CARS2: variants seen among roughly 807,000 people sequenced by gnomAD.
CARS2 encodes the protein cysteinyl-tRNA synthetase 2, mitochondrial.
In CARS2, 52 loss-of-function variants were observed where a neutral mutation model predicts 68.8. The observed-to-expected ratio is 0.76, with a 90% confidence interval of 0.61 to 0.95. The LOEUF (loss-of-function observed/expected upper bound fraction) is 0.95, where lower values mean the gene tolerates loss of function less well. Among genes scored for constraint, CARS2 ranks in the 40% least tolerant of loss-of-function variants. CARS2 has a pLI of 0.00. For missense variants in CARS2, 780 were observed against 754.2 expected, an observed-to-expected ratio of 1.03 and a Z score of -0.40; for synonymous variants, 314 against 303.6, an observed-to-expected ratio of 1.03 and a Z score of -0.36.
chr13:110,652,484 A>C (rs1281229221), intron 9 of CARS2, among the ~76,000 whole-genome samples: 1 of 151,908 alleles, frequency 6.6e-6, no homozygotes, highest in Admixed American at 6.5e-5. Context: ...TCCCTGCTTC[A>C]GGCTTCAGCG....
At chr13:110,701,908 T>C (rs1034261579) in intron 2 of CARS2, among the ~76,000 whole-genome samples, 6 of 152,236 alleles carry the variant, frequency 3.9e-5, no homozygotes, top group Non-Finnish European at 7.3e-5. Context: ...CTTGTTCATG[T>C]TCTAGAGTAA....
chr13:110,653,608 A>G lies in CARS2; in HGVS notation c.988-2508T>C, dbSNP rs140404013. On this transcript the variant is annotated intron_variant, in intron 9 of 14. Coordinates refer to ENST00000257347, the MANE Select transcript of CARS2 (RefSeq NM_024537.4). This position sits in a 1 kb window ranked among gnomAD's most constrained non-coding sequence, Gnocchi z 5.6. ...GTAAACGCATGCAGAATTAGCCTCA[A>G]TGTGTTTTCACGCATCTCATAGTTC... is the stretch of plus-strand genomic sequence containing the variant. Among the ~76,000 whole-genome samples, 1,278 of 152,274 alleles carry G rather than the reference A, an allele frequency of 8.4e-3. 14 individuals are homozygous for G. The highest frequency in any genetic ancestry group is 0.029 in the African/African-American group (1,212 of 41,550).
At position 110,712,657 on chromosome 13, in the gene CARS2, G is replaced by A. The variant is rs549080645; in HGVS notation, n.399+480C>T. On this transcript the variant is annotated intron_variant and non_coding_transcript_variant, in intron 1 of 2. Coordinates refer to the CARS2 transcript ENST00000485188. ...GGGGCGACGCGGGGGAGGGCGGTCC[G>A]GGGAGCTGAATGGCCTCAGGACGCC... The A allele has an allele frequency of 6.8e-4, 415 of 611,630 alleles. 4 individuals are homozygous for A. In the East Asian group the frequency reaches 0.013, roughly 19 times the overall value. The allele number at this position is 611,630 out of a possible 1,614,324, so 37.9% of individuals were successfully genotyped here.
intron 10 of CARS2, among the ~76,000 whole-genome samples, chr13:110,649,495 A>C (rs1258953531): frequency 6.6e-6 from 1 of 152,200 alleles, no homozygotes; most frequent in Non-Finnish European, 1.5e-5. Flanking sequence ...GGGCTCACCC[A>C]AACCCACCAA....
intron 3 of CARS2, among the ~76,000 whole-genome samples, chr13:110,691,118 C>T (rs926977430): frequency 6.6e-6 from 1 of 152,184 alleles, no homozygotes; most frequent in African/African-American, 2.4e-5. Flanking sequence ...CGGGCTCAAG[C>T]GATGCTCCTG....
At chr13:110,679,577 A>AAGAAAGAAAGAAAGAGAGAGAG (rs2063082542) in intron 6 of CARS2, among the ~76,000 whole-genome samples, 3 of 66,382 alleles carry the variant, frequency 4.5e-5, no homozygotes, top group African/African-American at 1.4e-4. Flanking sequence ...AAGAGAGAGA[A>AAGAAAGAAAGAAAGAGAGAGAG]AGAAAGAAAG....
intron 7 of CARS2, among the ~76,000 whole-genome samples, chr13:110,669,335 G>C (rs1415663929): frequency 6.6e-6 from 1 of 151,998 alleles, no homozygotes; most frequent in Non-Finnish European, 1.5e-5. Context: ...CCTCGTGTGG[G>C]AGATAATTAT....
At chr13:110,710,252 G>A (rs570225830), upstream of CARS2, among the ~76,000 whole-genome samples, 16 of 152,136 alleles carry the variant, frequency 1.1e-4, no homozygotes, top group African/African-American at 2.2e-4. Context: ...CATGGCGTCC[G>A]GCACCCGTAA....
intron 9 of CARS2, among the ~76,000 whole-genome samples, chr13:110,654,718 G>A (rs2062315705): frequency 6.6e-6 from 1 of 151,808 alleles, no homozygotes; most frequent in Non-Finnish European, 1.5e-5. Flanking sequence ...AGGAGTTTGA[G>A]ACCAGCCTGG....
intron 3 of CARS2, among the ~76,000 whole-genome samples, chr13:110,696,213 C>G (rs2063618822): frequency 6.6e-6 from 1 of 152,150 alleles, no homozygotes; most frequent in African/African-American, 2.4e-5. Flanking sequence ...CTATTGTGGA[C>G]AGTGCTGCAA....
At chr13:110,678,209 A>C in intron 6 of CARS2, 1 of 152,238 alleles carries the variant, frequency 6.6e-6, no homozygotes, top group Non-Finnish European at 1.5e-5. Flanking sequence ...TCTGCTTATC[A>C]GTAACTGAGT....
chr13:110,702,904 T>G (rs1213017658), intron 2 of CARS2, among the ~76,000 whole-genome samples: 1 of 152,164 alleles, frequency 6.6e-6, no homozygotes, highest in Admixed American at 6.5e-5. Flanking sequence ...CTCCATCCAC[T>G]GGGTGAGTGT....
chr13:110,682,838 G>A (rs1010967678), intron 6 of CARS2, among the ~76,000 whole-genome samples: 16 of 152,302 alleles, frequency 1.1e-4, no homozygotes, highest in East Asian at 3.9e-4. Context: ...CGCTGGGGGC[G>A]GGGGTGGACG....
At chr13:110,666,964 GA>G (rs1476373574) in intron 8 of CARS2, 35 of 985,116 alleles carry the variant, frequency 3.6e-5, no homozygotes, top group Non-Finnish European at 4.1e-5. Context: ...AACAGTGGAA[GA>G]AAGGGCAATG....
chr13:110,642,424 G>A lies in CARS2; in HGVS notation c.1514C>T (p.Pro505Leu). The change falls in exon 14 of 15, where the codon CCC becomes CTC. Residue 505 changes from proline to leucine, a missense_variant. Pro to Leu is a moderately conservative substitution (Grantham distance 98). Coordinates refer to ENST00000257347, the MANE Select transcript of CARS2 (RefSeq NM_024537.4). Reference protein sequence around the residue: ...QKVRQFALAMPEATGDARRQQ... With the variant: ...QKVRQFALAMLEATGDARRQQ... ...CCGCCGGGCGTCCCCCGTGGCCTCGGGCATGGCCAGCGCAAACTGCCGGAC... is the reference window on the plus strand; with the variant it reads ...CCGCCGGGCGTCCCCCGTGGCCTCGAGCATGGCCAGCGCAAACTGCCGGAC... 1 of 1,602,524 alleles carries A rather than the reference G, an allele frequency of 6.2e-7. No homozygotes were observed. The highest frequency in any genetic ancestry group is 8.5e-7 in the Non-Finnish European group (1 of 1,175,004).
At chr13:110,651,639 G>C (rs1028888686) in intron 9 of CARS2, among the ~76,000 whole-genome samples, 7 of 152,252 alleles carry the variant, frequency 4.6e-5, no homozygotes, top group Admixed American at 2.0e-4. Flanking sequence ...CATGCGCTAA[G>C]TCTGTCTCTT....
At chr13:110,675,312 T>A in intron 7 of CARS2, among the ~76,000 whole-genome samples, 1 of 152,208 alleles carries the variant, frequency 6.6e-6, no homozygotes, top group Non-Finnish European at 1.5e-5. Context: ...CCAACCCAAA[T>A]GTCCACCAAT....
intron 8 of CARS2, chr13:110,664,958 C>T: frequency 2.1e-6 from 2 of 966,158 alleles, no homozygotes; most frequent in Non-Finnish European, 2.5e-6. Flanking sequence ...AACACGCCCG[C>T]TTTCAGTTTG....
chr13:110,666,759 C>T (rs911477877), intron 8 of CARS2: 1 of 985,326 alleles, frequency 1.0e-6, no homozygotes, highest in African/African-American at 1.7e-5. Context: ...TATCTTTCTT[C>T]ATCTCAAATA....
Sources: allele counts gnomAD v4.1 joint callset (sites outside exome capture counted in the v4.1 genomes callset), GRCh38; gene constraint gnomAD v4.1.1; non-coding constraint Gnocchi (gnomAD v3.1); transcripts MANE v1.5; gene names NCBI Gene and HGNC (gene_info 2026-07-23, HGNC 2026-07-21).